The following TUBG2 variants were observed in gnomAD, a reference collection of about 807,000 sequenced individuals.
TUBG2 encodes the protein tubulin gamma-2 chain.
A neutral mutation model predicts 55.1 loss-of-function variants in TUBG2; 39 were observed. The observed-to-expected ratio is 0.71, with a 90% CI of 0.55 to 0.93. TUBG2 has a LOEUF of 0.93. Ranked by LOEUF, TUBG2 falls within the 40% of genes least tolerant of loss-of-function variation. TUBG2 has a pLI of 0.00. For synonymous variants in TUBG2, 223 were observed against 241.0 expected (o/e 0.93, Z 0.69); for missense variants, 358 against 599.1 (o/e 0.60, Z 4.20).
Position 42,666,860 on chromosome 17 carries a change from C to CT in TUBG2, c.*61dup. The CT allele has an allele frequency of 6.3e-7, 1 of 1,580,264 alleles. No homozygotes were observed. Among genetic ancestry groups the CT allele is most frequent in the Admixed American group, 1.7e-5 (1 of 58,764 alleles). On this transcript the variant is annotated 3_prime_UTR_variant, in exon 11 of 11. Coordinates refer to ENST00000251412, the MANE Select transcript of TUBG2 (RefSeq NM_016437.3). ...GTAACCACAGCCTCGACCATGCCTGCTCCCTCTGACCCAGCTTCACCTCAT... is the reference window on the plus strand; with the variant it reads ...GTAACCACAGCCTCGACCATGCCTGCTTCCCTCTGACCCAGCTTCACCTCAT...
intron 3 of TUBG2, 36 bp downstream of exon 3, chr17:42,660,352 C>G: frequency 1.2e-6 from 2 of 1,613,272 alleles, no homozygotes; most frequent in Non-Finnish European, 1.7e-6. Flanking sequence ...CTTTGATATT[C>G]CCATCCAGAG....
intron 9 of TUBG2, 22 bp downstream of exon 9, chr17:42,666,261 C>A (rs200189962): frequency 1.9e-6 from 3 of 1,613,914 alleles, no homozygotes; most frequent in African/African-American, 2.7e-5. Context: ...CCCTTCATCC[C>A]GCGCCCTGGA....
rs2052425142 is a variant in TUBG2 at position 42,663,023 on chromosome 17, C to T, written c.450C>T (p.Gly150=). 2 of 1,614,124 alleles carry T rather than the reference C, an allele frequency of 1.2e-6. No homozygotes were observed. The highest frequency in any genetic ancestry group is 4.5e-5 in the East Asian group (2 of 44,880). ...CTGGGGGTACGGGTTCTGGCCTGGGCTCCTACCTCCTGGAGCGACTGAATG... is the reference window on the plus strand; with the variant it reads ...CTGGGGGTACGGGTTCTGGCCTGGGTTCCTACCTCCTGGAGCGACTGAATG... ...SIAGGTGSGL[G]SYLLERLNDR... The change falls in exon 5 of 11, where the codon GGC becomes GGT. Residue 150 remains glycine, a synonymous_variant. Transcript: ENST00000251412.
chr17:42,665,432 C>T, intron 6 of TUBG2, 44 bp from the exon 7 acceptor site: 1 of 1,613,530 alleles, frequency 6.2e-7, no homozygotes, highest in Non-Finnish European at 8.5e-7. Context: ...ATTTCTATGC[C>T]CATTTTATCC....
rs758589243 is a variant in TUBG2 at position 42,665,561 on chromosome 17, T to C, written c.692T>C (p.Leu231Pro). The change falls in exon 7 of 11, where the codon CTG (leucine) becomes CCG (proline). Residue 231 changes from leucine to proline, a missense_variant and splice_region_variant. Transcript: ENST00000251412. ...CCGTCCTTCTCCCAGATCAACCAGC[T>C]GGTGGGCCCCCACTCCCGGACTCCT... ...QNPSFSQINQ[L>P]VSTIMSASTT... The C allele has an allele frequency of 1.8e-5, 29 of 1,614,032 alleles. No individual in the cohort carries two copies. Among genetic ancestry groups the C allele is most frequent in the Non-Finnish European group, 2.5e-5 (29 of 1,180,022 alleles).
chr17:42,664,790 C>T (rs1045984276), intron 6 of TUBG2, among the ~76,000 whole-genome samples: 5 of 150,288 alleles, frequency 3.3e-5, no homozygotes, highest in Non-Finnish European at 5.9e-5. Flanking sequence ...CTGCGTAGTC[C>T]GAGAGTATCT....
chr17:42,666,302 C>T (rs1442303052), intron 9 of TUBG2, 21 bp from the exon 10 acceptor site: 1 of 1,614,190 alleles, frequency 6.2e-7, no homozygotes, highest in Non-Finnish European at 8.5e-7. Flanking sequence ...GCCACCTCCA[C>T]TGCTCCTATG....
rs1414730786 is a variant in TUBG2, at chr17:42,660,305, G to A, written c.319G>A (p.Gly107Arg). 6.2e-7 allele frequency: 1 copy of A among 1,614,146 alleles called. No individual in the cohort carries two copies. Among genetic ancestry groups the A allele is most frequent in the Non-Finnish European group, 8.5e-7 (1 of 1,180,038 alleles). ...GGGAGNNWAS[G>R]FSQGEKIHED... ...AGGAGCTGGCAACAACTGGGCCAGCGGATTCTCCCAGGTGTCCTAGCGACC... is the reference window on the plus strand; with the variant it reads ...AGGAGCTGGCAACAACTGGGCCAGCAGATTCTCCCAGGTGTCCTAGCGACC... Residue 107 changes from glycine to arginine, a missense_variant, in exon 3 of 11, where the codon GGA (glycine) becomes AGA (arginine). By Grantham distance (125) the Gly-to-Arg change is moderately radical. Around this residue, in one of 8 missense-constraint regions of TUBG2, gnomAD observed 30 missense variants for 52.8 expected, o/e 0.57. Transcript: ENST00000251412.
chr17:42,664,501 A>T (rs2052469098), intron 6 of TUBG2, among the ~76,000 whole-genome samples: 1 of 152,120 alleles, frequency 6.6e-6, no homozygotes, highest in Admixed American at 6.6e-5. Context: ...ACCACCACGT[A>T]TCCCACCTTT....
At chr17:42,659,968 G>A in intron 2 of TUBG2, 22 bp downstream of exon 2, 5 of 1,589,134 alleles carry the variant, frequency 3.1e-6, no homozygotes, top group Non-Finnish European at 4.3e-6. Flanking sequence ...GACTTGGCCG[G>A]GGGCGGCAGT....
intron 2 of TUBG2, 78 bp from the exon 3 acceptor site, chr17:42,660,071 G>C (rs2052348803): frequency 7.6e-7 from 1 of 1,319,806 alleles, no homozygotes; most frequent in African/African-American, 1.5e-5. Context: ...GGGAGGGCCG[G>C]AGGGAGCCAG....
At chr17:42,662,863 T>C (rs929350291) in intron 4 of TUBG2, 110 bp from the exon 5 acceptor site, 2 of 1,016,862 alleles carry the variant, frequency 2.0e-6, no homozygotes, top group East Asian at 2.4e-5. Flanking sequence ...TACTGTAGAA[T>C]TGACTGCTTA....
intron 5 of TUBG2, 80 bp downstream of exon 5, chr17:42,663,132 T>C (rs2052429041): frequency 6.8e-7 from 1 of 1,481,224 alleles, no homozygotes; most frequent in Non-Finnish European, 9.3e-7. Flanking sequence ...AGCTAGAAAG[T>C]CTGCCACTAC....
Position 42,666,104 on chromosome 17 carries a change from G to T in TUBG2, c.861G>T (p.Lys287Asn). ...CCCATCAGGTGGCCAGCGTGAGGAA[G>T]ACCACGGTCCTGGATGTCATGAGGC... ...TTDQSVASVRKTTVLDVMRRL... is the reference protein window; with the variant it reads ...TTDQSVASVRNTTVLDVMRRL... Residue 287 changes from lysine (K) to asparagine (N), a missense_variant, in exon 9 of 11, where the codon AAG becomes AAT. By Grantham distance (94) the Lys-to-Asn change is moderately conservative (BLOSUM62 0). Around this residue, in one of 8 missense-constraint regions of TUBG2, gnomAD observed 129 missense variants for 251.6 expected, o/e 0.51. Transcript: ENST00000251412. The T allele has an allele frequency of 6.2e-7, 1 of 1,614,000 alleles. No homozygotes were observed. Among genetic ancestry groups the T allele is most frequent in the Non-Finnish European group, 8.5e-7 (1 of 1,179,874 alleles).
rs371307055 is a variant in TUBG2 at position 42,666,408 on chromosome 17, C to G, written c.1082C>G (p.Ser361Trp). The G allele has an allele frequency of 6.2e-7, 1 of 1,614,208 alleles. No individual in the cohort carries two copies. The highest frequency in any genetic ancestry group is 1.1e-5 in the South Asian group (1 of 91,084). ...CCCGCCAGCATCCAGGTGGCCCTGT[C>G]GAGGAAGTCTCCCTACCTGCCCTCG... ...WGPASIQVAL[S>W]RKSPYLPSAH... The change falls in exon 10 of 11, where the codon TCG becomes TGG. Residue 361 changes from serine to tryptophan, a missense_variant. By Grantham distance (177) the Ser-to-Trp change is radical. Transcript: ENST00000251412.
At chr17:42,664,137 A>C (rs2052460165) in intron 6 of TUBG2, among the ~76,000 whole-genome samples, 1 of 151,242 alleles carries the variant, frequency 6.6e-6, no homozygotes. Context: ...TTAGCCGGGC[A>C]TGGTGGCATG....
chr17:42,663,165 AC>A, intron 5 of TUBG2, 113 bp downstream of exon 5: 1 of 1,316,164 alleles, frequency 7.6e-7, no homozygotes, highest in Non-Finnish European at 1.1e-6. Context: ...ATAGGGACAG[AC>A]CCACCCAAGG....
chr17:42,665,538 G>T lies in TUBG2; in HGVS notation c.669G>T (p.Pro223=), dbSNP rs773980344. 23 of 1,613,906 alleles carry T rather than the reference G, an allele frequency of 1.4e-5. No homozygotes were observed. In the South Asian group the frequency reaches 2.0e-4, roughly 14 times the overall value. Residue 223 remains proline (P), a synonymous_variant, in exon 7 of 11, where the codon CCG becomes CCT. Coordinates refer to ENST00000251412, the MANE Select transcript of TUBG2 (RefSeq NM_016437.3). ...IATDRLHIQN[P]SFSQINQLVS... is the part of the protein sequence containing the mutation. ...CAGACCGCCTGCACATCCAGAACCC[G>T]TCCTTCTCCCAGATCAACCAGCTGG...
intron 1 of TUBG2, 90 bp downstream of exon 1, chr17:42,659,642 C>T: frequency 7.0e-7 from 1 of 1,425,002 alleles, no homozygotes; most frequent in Non-Finnish European, 9.5e-7. Context: ...CCCCCTTTCC[C>T]TTCCATGAAC....
Sources: allele counts gnomAD v4.1 joint callset (sites outside exome capture counted in the v4.1 genomes callset), GRCh38; gene constraint gnomAD v4.1.1; regional missense constraint gnomAD v4.1.1; transcripts MANE v1.5; gene names NCBI Gene and HGNC (gene_info 2026-07-23, HGNC 2026-07-21).